CDKL3: variants seen among roughly 807,000 people sequenced by gnomAD.
CDKL3 encodes the protein cyclin dependent kinase like 3.
In CDKL3, 65 loss-of-function variants were observed where a neutral mutation model predicts 69.3. That is an observed-to-expected ratio of 0.94 (90% CI 0.77 to 1.15). The LOEUF is 1.15. Ranked by LOEUF, CDKL3 falls within the 50% of genes most tolerant of loss-of-function variation. The pLI is 0.00. For missense variants in CDKL3, 652 were observed against 689.2 expected (o/e 0.95, Z 0.61); for synonymous variants, 202 against 221.6 (o/e 0.91, Z 0.79).
upstream of CDKL3, among the ~76,000 whole-genome samples, chr5:134,367,654 G>T (rs527605669): frequency 3.6e-4 from 55 of 152,274 alleles, no homozygotes; most frequent in Non-Finnish European, 6.9e-4. Context: ...GATTACAGGC[G>T]TAAGCCACCG....
chr5:134,334,309 AGTTCT>A (rs1380143686), intron 4 of CDKL3, among the ~76,000 whole-genome samples: 1 of 151,944 alleles, frequency 6.6e-6, no homozygotes, highest in Non-Finnish European at 1.5e-5. Context: ...TGTCTCCTTC[AGTTCT>A]GCTCTGATCT....
rs369418961 is a variant in CDKL3, at chr5:134,306,621, T to C, written c.1446A>G (p.Pro482=). Residue 482 remains proline, a synonymous_variant, in exon 10 of 13, where the codon CCA becomes CCG. Transcript: ENST00000265334. ...CTTCTTGCCTTACTTGAATAGGACC[T>C]GGATCCTCTTGCCTGCTATTAGGCA... ...QVMPNSRQED[P]GPIQSQMEKG... The C allele has an allele frequency of 1.6e-5, 26 of 1,591,640 alleles. No individual in the cohort carries two copies. The highest frequency in any genetic ancestry group is 4.5e-5 in the East Asian group (2 of 44,094).
chr5:134,334,707 T>G lies in CDKL3; in HGVS notation c.540-12804A>C, dbSNP rs553053570. On this transcript the variant is annotated intron_variant, in intron 4 of 12. Coordinates refer to ENST00000265334, the MANE Select transcript of CDKL3 (RefSeq NM_001113575.2). ...TTGTTGTGATTTCTGTTCTTTTACA[T>G]TTGCTGAGGAGTGTTTTACTTCCAA... Among the ~76,000 whole-genome samples the G allele has an allele frequency of 6.6e-5, 10 of 152,344 alleles. No individual in the cohort carries two copies. The East Asian group carries it at 1.5e-3, about 23-fold the overall frequency.
At chr5:134,354,218 C>T (rs1754003458) in intron 3 of CDKL3, among the ~76,000 whole-genome samples, 2 of 152,162 alleles carry the variant, frequency 1.3e-5, no homozygotes, top group African/African-American at 2.4e-5. Context: ...CCATAAGCTC[C>T]GTGAGGGCAA....
chr5:134,335,707 G>A (rs375640998), intron 4 of CDKL3, among the ~76,000 whole-genome samples: 1 of 152,162 alleles, frequency 6.6e-6, no homozygotes. Context: ...AGTCTGATGA[G>A]CTTCCCTTTG....
rs1421362975 is a variant in CDKL3 at position 134,298,683 on chromosome 5, T to G, written c.1747A>C (p.Asn583His). Residue 583 changes from asparagine (N) to histidine (H), a missense_variant, in exon 13 of 13, where the codon AAT (asparagine) becomes CAT (histidine). Physicochemically the swap from Asn to His is moderately conservative, Grantham distance 68 (BLOSUM62 1). Transcript: ENST00000265334. The stretch of plus-strand genomic sequence containing the variant: ...AAAAAAAACCTGTTTCTCTTCAAAT[T>G]CTTCCCCTCGCAATGGCCATCTCCA... ...EGGDGHCEGK[N>H]LKRNRFFFW 1.2e-6 allele frequency: 2 copies of G among 1,613,296 alleles called. No homozygotes were observed. Among genetic ancestry groups the G allele is most frequent in the Admixed American group, 3.3e-5 (2 of 59,944 alleles).
At chr5:134,299,501 A>C (rs1358093851) in intron 12 of CDKL3, 1 of 1,210,622 alleles carries the variant, frequency 8.3e-7, no homozygotes, top group Non-Finnish European at 1.1e-6. Flanking sequence ...TGTTCAAATT[A>C]AGAAAACATG....
At chr5:134,355,565 A>G (rs1581207238) in intron 3 of CDKL3, among the ~76,000 whole-genome samples, 1 of 152,348 alleles carries the variant, frequency 6.6e-6, no homozygotes, top group East Asian at 1.9e-4. Context: ...CGCAATTCTG[A>G]GATGATTTAA....
chr5:134,343,898 C>G (rs1434953154), intron 4 of CDKL3, among the ~76,000 whole-genome samples: 2 of 152,204 alleles, frequency 1.3e-5, no homozygotes, highest in Non-Finnish European at 2.9e-5. Flanking sequence ...ACACTCACGC[C>G]GGCTCTGCGT....
At chr5:134,360,261 G>T (rs994213205) in intron 2 of CDKL3, among the ~76,000 whole-genome samples, 170 bp from the exon 3 acceptor site, 1 of 152,002 alleles carries the variant, frequency 6.6e-6, no homozygotes, top group African/African-American at 2.4e-5. Flanking sequence ...CTGGAGTGCA[G>T]TAGCACAATC....
chr5:134,304,334 G>GT, intron 11 of CDKL3, 71 bp downstream of exon 11: 2 of 1,227,762 alleles, frequency 1.6e-6, no homozygotes, highest in Admixed American at 5.3e-5. Context: ...ACTATAAAAT[G>GT]TAAGTTATAT....
chr5:134,288,260 T>G (rs1764963538), intron 8 of CDKL3, among the ~76,000 whole-genome samples: 1 of 152,200 alleles, frequency 6.6e-6, no homozygotes, highest in African/African-American at 2.4e-5. Context: ...TAACCCCAAA[T>G]GATAAAAGTT....
At chr5:134,350,040 T>G (rs1752877687) in intron 4 of CDKL3, among the ~76,000 whole-genome samples, 1 of 151,872 alleles carries the variant, frequency 6.6e-6, no homozygotes, top group Non-Finnish European at 1.5e-5. Flanking sequence ...ATACAAAAAT[T>G]AGCCAGGAGT....
chr5:134,327,060 C>T (rs1774577930), intron 4 of CDKL3, among the ~76,000 whole-genome samples: 1 of 151,916 alleles, frequency 6.6e-6, no homozygotes. Flanking sequence ...CTCCAGCTCC[C>T]AGTTGAAGAG....
chr5:134,286,773 G>A (rs1388049090), intron 8 of CDKL3, among the ~76,000 whole-genome samples: 3 of 152,220 alleles, frequency 2.0e-5, no homozygotes, highest in African/African-American at 7.2e-5. Flanking sequence ...GAACAGCACA[G>A]GAAAGACCTG....
At chr5:134,306,533 C>A in intron 10 of CDKL3, 76 bp downstream of exon 10, 2 of 856,416 alleles carry the variant, frequency 2.3e-6, no homozygotes, top group Non-Finnish European at 3.8e-6. Flanking sequence ...AGTATTAGAG[C>A]CCTAAAGATA....
intron 4 of CDKL3, among the ~76,000 whole-genome samples, chr5:134,327,938 G>T (rs1581015040): frequency 6.6e-6 from 1 of 152,226 alleles, no homozygotes; most frequent in East Asian, 1.9e-4. Flanking sequence ...GTTTAATACT[G>T]TGTGTGTGGG....
At position 134,350,392 on chromosome 5, in the gene CDKL3, TA is replaced by T; in HGVS notation, c.395del (p.Leu132Ter). On this transcript the variant is annotated frameshift_variant, in exon 4 of 13. Coordinates refer to ENST00000265334, the MANE Select transcript of CDKL3 (RefSeq NM_001113575.2). LOFTEE classifies it high-confidence loss of function. The stretch of plus-strand genomic sequence containing the variant: ...GCTTAGTAATTCCTGACTGGGATAC[TA>T]AAATATTCTCAGGTTTTATATCTCG... ...IHRDIKPENI[L>X]VSQSGITKLC... is the part of the protein sequence containing the mutation. 1 of 1,570,840 alleles carries T rather than the reference TA, an allele frequency of 6.4e-7. No individual in the cohort carries two copies. The highest frequency in any genetic ancestry group is 8.6e-7 in the Non-Finnish European group (1 of 1,156,898).
intron 3 of CDKL3, among the ~76,000 whole-genome samples, chr5:134,355,075 T>A (rs1317384212): frequency 2.0e-5 from 3 of 148,188 alleles, no homozygotes; most frequent in Non-Finnish European, 4.4e-5. Flanking sequence ...GGCAACATGG[T>A]GAGACCTTGG....
Sources: gnomAD v4.1 joint callset for allele counts (sites outside exome capture counted in the v4.1 genomes callset) on GRCh38, gnomAD v4.1.1 for gene constraint, MANE v1.5 for transcripts, NCBI Gene and HGNC (gene_info 2026-07-23, HGNC 2026-07-21) for gene names.